Variants in GLG1 observed in about 807,000 individuals in gnomAD.
The protein encoded by GLG1 is golgi glycoprotein 1.
A neutral mutation model predicts 160.5 loss-of-function variants in GLG1; 38 were observed. That is an observed-to-expected ratio of 0.24 (90% CI 0.18 to 0.31). The LOEUF is 0.31. GLG1 is among the 10% of genes least tolerant of loss of function. The probability of loss-of-function intolerance (pLI) is 1.00; values close to 1 mark genes in which losing one functional copy is unlikely to be tolerated. For missense variants in GLG1, 1,373 were observed against 1,505.2 expected, an observed-to-expected ratio of 0.91 and a Z score of 1.45; for synonymous variants, 644 against 543.4, an observed-to-expected ratio of 1.19 and a Z score of -2.57.
chr16:74,479,051 CAAAAAAAAA>C lies in GLG1; in HGVS notation c.1827+1181_1827+1189del, dbSNP rs34125450. Among the ~76,000 whole-genome samples the C allele has an allele frequency of 1.7e-3, 30 of 17,580 alleles. 2 individuals are homozygous for C. The highest frequency in any genetic ancestry group is 6.7e-3 in the South Asian group (2 of 298). The allele number at this position is 17,580 out of a possible 152,430, so 11.5% of individuals were successfully genotyped here. On this transcript the variant is annotated intron_variant, in intron 11 of 25. Coordinates refer to ENST00000422840, the MANE Select transcript of GLG1 (RefSeq NM_001145667.2). ...AGAAACCCCGTCTCTATTAAAAATC[CAAAAAAAAA>C]AAAAAAAAAAAAAAAAAAGCCAGGC...
At chr16:74,567,988 G>C (rs1003974925) in intron 1 of GLG1, among the ~76,000 whole-genome samples, 2 of 152,220 alleles carry the variant, frequency 1.3e-5, no homozygotes, top group Non-Finnish European at 2.9e-5. Context: ...CACAGATAGA[G>C]CAAATGAGTC....
chr16:74,513,638 C>A (rs2016883201), intron 2 of GLG1, among the ~76,000 whole-genome samples: 1 of 152,102 alleles, frequency 6.6e-6, no homozygotes, highest in South Asian at 2.1e-4. Context: ...CACCAAGACC[C>A]CATTCGTAGG....
intron 8 of GLG1, among the ~76,000 whole-genome samples, chr16:74,490,239 G>A (rs1209442676): frequency 6.6e-6 from 1 of 152,138 alleles, no homozygotes; most frequent in East Asian, 1.9e-4. Flanking sequence ...ATTAACTTGT[G>A]TTTTGTACCT....
intron 6 of GLG1, among the ~76,000 whole-genome samples, chr16:74,494,151 G>GT (rs2016099293): frequency 6.8e-6 from 1 of 147,520 alleles, no homozygotes; most frequent in Non-Finnish European, 1.5e-5. Flanking sequence ...CCCAGCCTGG[G>GT]TGACAGAGAA....
chr16:74,452,096 C>A lies in GLG1; in HGVS notation c.*1071G>T, dbSNP rs2014332854. On this transcript the variant is annotated 3_prime_UTR_variant, in exon 26 of 26. Transcript: ENST00000422840. ...TGTCACATCCTGAGACCACACTAAA[C>A]CTTTATAAGCCATTGTCTCTGACCT... is the stretch of plus-strand genomic sequence containing the variant. The A allele has an allele frequency of 4.3e-6, 7 of 1,614,110 alleles. No individual in the cohort carries two copies. The highest frequency in any genetic ancestry group is 5.9e-6 in the Non-Finnish European group (7 of 1,179,956).
intron 1 of GLG1, among the ~76,000 whole-genome samples, chr16:74,540,566 A>G (rs1410812304): frequency 6.6e-6 from 1 of 151,636 alleles, no homozygotes; most frequent in Non-Finnish European, 1.5e-5. Flanking sequence ...TTGTCTTGCA[A>G]TGACAAGAGT....
chr16:74,466,450 G>A (rs2015003442), intron 18 of GLG1, among the ~76,000 whole-genome samples: 1 of 152,230 alleles, frequency 6.6e-6, no homozygotes, highest in South Asian at 2.1e-4. Flanking sequence ...AAGGAAAGCA[G>A]ATGGGAAGGT....
Position 74,480,332 on chromosome 16 carries a change from C to T in GLG1, c.1736G>A (p.Gly579Asp), listed in dbSNP as rs764943105. 2.5e-6 allele frequency: 4 copies of T among 1,613,390 alleles called. No individual in the cohort carries two copies. Among genetic ancestry groups the T allele is most frequent in the Non-Finnish European group, 3.4e-6 (4 of 1,179,274 alleles). Residue 579 changes from glycine (G) to aspartate (D), a missense_variant, in exon 11 of 26, where the codon GGT becomes GAT. Physicochemically the swap from Gly to Asp is moderately conservative, Grantham distance 94. Around this residue, in one of 4 missense-constraint regions of GLG1, gnomAD observed 386 missense variants for 388.5 expected, o/e 0.99. Transcript: ENST00000422840. ...GDASRLCHTH[G>D]WNETSEFMPQ... ...CATAAATTCACTGGTCTCATTCCAACCGTGGGTGTGGCAAAGACGAGAAGC... is the reference window on the plus strand; with the variant it reads ...CATAAATTCACTGGTCTCATTCCAATCGTGGGTGTGGCAAAGACGAGAAGC...
chr16:74,520,963 G>T (rs186570922), intron 2 of GLG1, among the ~76,000 whole-genome samples: 1 of 152,228 alleles, frequency 6.6e-6, no homozygotes, highest in Admixed American at 6.5e-5. Context: ...AGAAAGATAA[G>T]GCACAAATTA....
chr16:74,510,533 A>G (rs2016770889), intron 2 of GLG1, among the ~76,000 whole-genome samples: 1 of 152,222 alleles, frequency 6.6e-6, no homozygotes, highest in South Asian at 2.1e-4. Context: ...ACTTGGGATG[A>G]TGTAGAACAT....
At chr16:74,566,177 T>C (rs1341772679) in intron 1 of GLG1, among the ~76,000 whole-genome samples, 1 of 152,216 alleles carries the variant, frequency 6.6e-6, no homozygotes, top group East Asian at 1.9e-4. Context: ...GTTTCTCCAC[T>C]GTAAAATGAT....
intron 1 of GLG1, among the ~76,000 whole-genome samples, chr16:74,589,253 T>A (rs1208954480): frequency 5.4e-5 from 4 of 74,382 alleles, no homozygotes; most frequent in Non-Finnish European, 7.4e-5. Flanking sequence ...AAACTCTCTG[T>A]CTCAAAAAAA....
chr16:74,531,033 G>A (rs903413176), intron 2 of GLG1, among the ~76,000 whole-genome samples: 2 of 152,108 alleles, frequency 1.3e-5, no homozygotes. Flanking sequence ...TTTTTGGGGA[G>A]AAAACTTTCA....
At chr16:74,463,220 G>C in intron 20 of GLG1, 136 bp downstream of exon 20, 2 of 777,272 alleles carry the variant, frequency 2.6e-6, no homozygotes, top group Non-Finnish European at 4.1e-6. Flanking sequence ...AAGGAGGAAG[G>C]CCCTGCTTAC....
chr16:74,578,740 G>C (rs529333522), intron 1 of GLG1, among the ~76,000 whole-genome samples: 1 of 152,258 alleles, frequency 6.6e-6, no homozygotes, highest in African/African-American at 2.4e-5. Flanking sequence ...CACAAAAAAA[G>C]CTATCTGATG....
intron 2 of GLG1, among the ~76,000 whole-genome samples, chr16:74,523,286 G>C (rs79890971): frequency 2.8e-3 from 431 of 152,194 alleles, no homozygotes; most frequent in Non-Finnish European, 4.1e-3. Context: ...ATACATTAAG[G>C]GTTAAGATTC....
chr16:74,496,792 C>A, intron 4 of GLG1, 148 bp from the exon 5 acceptor site: 3 of 608,530 alleles, frequency 4.9e-6, no homozygotes, highest in East Asian at 2.7e-5. Context: ...TAACGTTCTA[C>A]CAAGAAATCA....
At position 74,451,522 on chromosome 16, in the gene GLG1, C is replaced by T. The variant is rs749758899; in HGVS notation, c.*1645G>A. The T allele has an allele frequency of 6.5e-6, 1 of 153,788 alleles. No homozygotes were observed. The highest frequency in any genetic ancestry group is 1.4e-5 in the Non-Finnish European group (1 of 69,010). 9.5% of individuals were successfully genotyped at this position (153,788 alleles called of 1,614,324 possible). ...CACCCTTCAGGGAAGACATGTGTCG[C>T]TCCGGTCCTGCAGTGCACGTGGACT... On this transcript the variant is annotated 3_prime_UTR_variant, in exon 26 of 26. Coordinates refer to ENST00000422840, the MANE Select transcript of GLG1 (RefSeq NM_001145667.2).
At chr16:74,597,629 G>C (rs768628802) in intron 1 of GLG1, among the ~76,000 whole-genome samples, 7 of 151,774 alleles carry the variant, frequency 4.6e-5, no homozygotes, top group Non-Finnish European at 7.4e-5. Context: ...CGAAGCTGGC[G>C]GATAACGAGG....
Sources: allele counts gnomAD v4.1 joint callset (sites outside exome capture counted in the v4.1 genomes callset), GRCh38; gene constraint gnomAD v4.1.1; regional missense constraint gnomAD v4.1.1; transcripts MANE v1.5; gene names NCBI Gene and HGNC (gene_info 2026-07-23, HGNC 2026-07-21).